SLIT1: variants seen among roughly 807,000 people sequenced by gnomAD.
The protein encoded by SLIT1 is slit guidance ligand 1.
In SLIT1, 66 loss-of-function variants were observed where a neutral mutation model predicts 186.1. The observed-to-expected ratio is 0.35, with a 90% CI of 0.29 to 0.44. The LOEUF (loss-of-function observed/expected upper bound fraction) is 0.44, where lower values mean the gene tolerates loss of function less well. SLIT1 is among the 20% of genes least tolerant of loss of function. The pLI is 1.00. For synonymous variants in SLIT1, 761 were observed against 833.8 expected (o/e 0.91, Z 1.50); for missense variants, 1,638 against 2,037.4 (o/e 0.80, Z 3.77).
At chr10:97,131,344 G>A (rs2134695112) in intron 4 of SLIT1, among the ~76,000 whole-genome samples, 1 of 152,348 alleles carries the variant, frequency 6.6e-6, no homozygotes, top group South Asian at 2.1e-4. Flanking sequence ...ATTCGCCTGG[G>A]CGCTGACAGC....
rs773933010 is a variant in SLIT1, at chr10:97,019,101, G to A, written c.2753C>T (p.Pro918Leu). 1.2e-6 allele frequency: 2 copies of A among 1,612,080 alleles called. No homozygotes were observed. Among genetic ancestry groups the A allele is most frequent in the Non-Finnish European group, 8.5e-7 (1 of 1,178,290 alleles). Reference protein sequence around the residue: ...PAKKFECQGPPTLAVQAKCDL... With the variant: ...PAKKFECQGPLTLAVQAKCDL... ...ACACTTGGCCTGGACAGCCAGCGTT[G>A]GAGGACCTGCAGCAAGGGGAGGGTG... The change falls in exon 27 of 37, where the codon CCA becomes CTA. Residue 918 changes from proline (P) to leucine (L), a missense_variant. Around this residue, in one of 3 missense-constraint regions of SLIT1, gnomAD observed 1,245 missense variants for 1,535.3 expected, o/e 0.81. Transcript: ENST00000266058.
intron 4 of SLIT1, among the ~76,000 whole-genome samples, chr10:97,129,141 T>C (rs1026173767): frequency 6.6e-6 from 1 of 152,030 alleles, no homozygotes; most frequent in African/African-American, 2.4e-5. Context: ...GTGGCTCACG[T>C]CTGTTATCCC....
intron 2 of SLIT1, among the ~76,000 whole-genome samples, chr10:97,164,382 G>A (rs1042773682): frequency 5.3e-5 from 8 of 152,208 alleles, no homozygotes; most frequent in African/African-American, 1.9e-4. Flanking sequence ...GCAGAGGGGA[G>A]GGGAATCCTG....
At chr10:97,177,682 A>G (rs1250506505) in intron 1 of SLIT1, among the ~76,000 whole-genome samples, 4 of 152,232 alleles carry the variant, frequency 2.6e-5, no homozygotes, top group African/African-American at 9.6e-5. Flanking sequence ...CCATAAAAAA[A>G]GAAGGAAATC....
intron 4 of SLIT1, among the ~76,000 whole-genome samples, chr10:97,108,886 C>CA (rs11355026): frequency 0.011 from 501 of 46,758 alleles, 94 homozygotes; most frequent in African/African-American, 0.039. Context: ...GTCTCAGTCT[C>CA]AAAAAAAAAA....
chr10:97,073,006 G>C (rs1305286593), intron 4 of SLIT1, among the ~76,000 whole-genome samples: 1 of 152,186 alleles, frequency 6.6e-6, no homozygotes, highest in Non-Finnish European at 1.5e-5. Context: ...CAACCCTAAG[G>C]CTCTGTTGTT....
chr10:97,100,617 A>C (rs894398748), intron 4 of SLIT1, among the ~76,000 whole-genome samples: 3 of 142,558 alleles, frequency 2.1e-5, no homozygotes, highest in African/African-American at 7.5e-5. Flanking sequence ...CCTGGGCAAC[A>C]GCGAGACTCT....
intron 4 of SLIT1, among the ~76,000 whole-genome samples, chr10:97,070,040 C>A (rs1848987404): frequency 6.6e-6 from 1 of 152,186 alleles, no homozygotes; most frequent in South Asian, 2.1e-4. Context: ...TGGAGAGGAA[C>A]CGAGGCCTCT....
At chr10:97,152,686 C>T (rs112573195) in intron 4 of SLIT1, among the ~76,000 whole-genome samples, 1,618 of 152,226 alleles carry the variant, frequency 0.011, 28 homozygotes, top group African/African-American at 0.037. Context: ...GGTTTCCTAC[C>T]GTAAACGTAA....
At chr10:97,023,215 T>C (rs1173768433) in intron 25 of SLIT1, among the ~76,000 whole-genome samples, 2 of 149,024 alleles carry the variant, frequency 1.3e-5, no homozygotes, top group Non-Finnish European at 3.0e-5. Context: ...CACGCCCACC[T>C]AATTTTTTTT....
chr10:97,058,204 C>T (rs1848859242), intron 11 of SLIT1: 2 of 636,406 alleles, frequency 3.1e-6, no homozygotes, highest in Non-Finnish European at 5.8e-6. Flanking sequence ...CAGAAACACC[C>T]CTCAAGCTGC....
intron 4 of SLIT1, among the ~76,000 whole-genome samples, chr10:97,078,536 C>T (rs574384984): frequency 6.6e-6 from 1 of 152,300 alleles, no homozygotes; most frequent in African/African-American, 2.4e-5. Flanking sequence ...GGGCACATCC[C>T]ACAAGGCAGC....
Position 97,161,329 on chromosome 10 carries a change from G to A in SLIT1, c.341+2051C>T, listed in dbSNP as rs532534593. 2.6e-5 allele frequency among the ~76,000 whole-genome samples: 4 copies of A among 152,288 alleles called. No homozygotes were observed. The East Asian group carries it at 7.7e-4, about 29-fold the overall frequency. On this transcript the variant is annotated intron_variant, in intron 3 of 36. Coordinates refer to ENST00000266058, the MANE Select transcript of SLIT1 (RefSeq NM_003061.3). Reference sequence around the variant, plus strand: ...TTTAAAGAAAACAAATGCAGCATTCGACATCTGGTCTAGCTGTGGGCTCCT... The same window carrying A: ...TTTAAAGAAAACAAATGCAGCATTCAACATCTGGTCTAGCTGTGGGCTCCT...
At chr10:97,036,866 G>A (rs1848642965) in intron 22 of SLIT1, among the ~76,000 whole-genome samples, 1 of 152,158 alleles carries the variant, frequency 6.6e-6, no homozygotes, top group Non-Finnish European at 1.5e-5. Context: ...GAGTAGAAGG[G>A]GTCAAAGGTG....
chr10:97,168,116 T>C (rs1205768897), intron 1 of SLIT1, among the ~76,000 whole-genome samples: 1 of 152,248 alleles, frequency 6.6e-6, no homozygotes, highest in Non-Finnish European at 1.5e-5. Flanking sequence ...TGCTAAGTGG[T>C]AGGACTCAAG....
intron 27 of SLIT1, 134 bp from the exon 28 acceptor site, chr10:97,018,817 C>CTTCA (rs3837348): frequency 0.15 from 97,441 of 646,260 alleles, 7,663 homozygotes; most frequent in East Asian, 0.26. Context: ...CATTCGTCCA[C>CTTCA]TTCATTCATT....
At chr10:97,151,998 G>T (rs1182964446) in intron 4 of SLIT1, among the ~76,000 whole-genome samples, 1 of 152,086 alleles carries the variant, frequency 6.6e-6, no homozygotes, top group Non-Finnish European at 1.5e-5. Flanking sequence ...CCCTCAATGG[G>T]GGCATCCCTG....
At chr10:97,124,393 G>A (rs1849585985) in intron 4 of SLIT1, among the ~76,000 whole-genome samples, 4 of 152,202 alleles carry the variant, frequency 2.6e-5, no homozygotes, top group African/African-American at 9.7e-5. Context: ...CCTCAGCACG[G>A]TAGCTGCCCT....
chr10:97,104,040 G>A lies in SLIT1; in HGVS notation c.414-37954C>T, dbSNP rs557743262. 7.8e-4 allele frequency among the ~76,000 whole-genome samples: 118 copies of A among 152,220 alleles called. 1 individual carries two copies. The highest frequency in any genetic ancestry group is 2.6e-3 in the African/African-American group (110 of 41,524). ...ACAGCAAGGAACACAGCCCTGCCCC[G>A]TGGAGCTCATATTCTGTGGGGTAGC... is the stretch of plus-strand genomic sequence containing the variant. On this transcript the variant is annotated intron_variant, in intron 4 of 36. Transcript: ENST00000266058.
Sources: gnomAD v4.1 joint callset for allele counts (sites outside exome capture counted in the v4.1 genomes callset) on GRCh38, gnomAD v4.1.1 for gene constraint, gnomAD v4.1.1 regional missense constraint, MANE v1.5 for transcripts, NCBI Gene and HGNC (gene_info 2026-07-23, HGNC 2026-07-21) for gene names.